HDAC9: variants seen among roughly 807,000 people sequenced by gnomAD.
The protein encoded by HDAC9 is MEF-2 interacting transcription repressor (MITR) protein.
In HDAC9, 41 loss-of-function variants were observed where a neutral mutation model predicts 139.4. The observed-to-expected ratio is 0.29, with a 90% CI of 0.23 to 0.38. The LOEUF is 0.38. Ranked by LOEUF, HDAC9 falls within the 10% of genes least tolerant of loss-of-function variation. The pLI, the probability that HDAC9 is intolerant of heterozygous loss-of-function variation, is 1.00. For synonymous variants in HDAC9, 517 were observed against 476.2 expected (o/e 1.09, Z -1.12); for missense variants, 1,147 against 1,297.0 (o/e 0.88, Z 1.78).
chr7:18,898,176 G>A (rs780960502), intron 22 of HDAC9, among the ~76,000 whole-genome samples: 1 of 151,608 alleles, frequency 6.6e-6, no homozygotes, highest in East Asian at 1.9e-4. Context: ...CATTTATTGA[G>A]TTTTTAACAT....
chr7:18,808,736 T>C (rs1318156674), intron 17 of HDAC9, among the ~76,000 whole-genome samples: 1 of 151,938 alleles, frequency 6.6e-6, no homozygotes, highest in Non-Finnish European at 1.5e-5. Context: ...ATGGATTCAA[T>C]TCAATCCTAT....
At chr7:18,237,381 T>A (rs1253712327) in intron 2 of HDAC9, among the ~76,000 whole-genome samples, 1 of 152,206 alleles carries the variant, frequency 6.6e-6, no homozygotes. Context: ...TGGAGTGACT[T>A]CAATTAAGGA....
In HDAC9 at chr7:18,406,397, T is replaced by A. The variant is rs141151085; in HGVS notation, c.-41-89865T>A. On this transcript the variant is annotated intron_variant, in intron 1 of 3. Transcript: ENST00000413509. ...TTTTTTCTTTTTCTTTCTTTTTTTT[T>A]ATTTTTTTCTTTTGAGATGGAGTCT... 5.3e-3 allele frequency among the ~76,000 whole-genome samples: 811 copies of A among 152,198 alleles called. 9 individuals are homozygous for A. Among genetic ancestry groups the A allele is most frequent in the African/African-American group, 0.018 (761 of 41,516 alleles).
rs981038339 is a variant in HDAC9, at chr7:18,839,318, T to A, written c.2684+3321T>A. Among the ~76,000 whole-genome samples, 9 of 152,142 alleles carry A rather than the reference T, an allele frequency of 5.9e-5. No homozygotes were observed. The East Asian group carries it at 7.7e-4, about 13-fold the overall frequency. On this transcript the variant is annotated intron_variant, in intron 21 of 25. Transcript: ENST00000686413. ...TGGAAGGGCAGTAATTTGAACTTAGTTTGTGACTCTACAATCTATGCTCCT... is the reference window on the plus strand; with the variant it reads ...TGGAAGGGCAGTAATTTGAACTTAGATTGTGACTCTACAATCTATGCTCCT...
chr7:18,497,434 C>T (rs1797223257), intron 2 of HDAC9, among the ~76,000 whole-genome samples: 1 of 152,110 alleles, frequency 6.6e-6, no homozygotes, highest in African/African-American at 2.4e-5. Flanking sequence ...ATGTTTAAAG[C>T]TAGTTTTCTT....
At chr7:18,554,272 G>GAA (rs538651140) in intron 2 of HDAC9, among the ~76,000 whole-genome samples, 7 of 142,200 alleles carry the variant, frequency 4.9e-5, no homozygotes, top group Admixed American at 4.9e-4. Context: ...GAAAAGACAG[G>GAA]AAAAAAAAAG....
At chr7:18,368,990 T>G (rs1784393337) in intron 1 of HDAC9, among the ~76,000 whole-genome samples, 1 of 152,138 alleles carries the variant, frequency 6.6e-6, no homozygotes, top group South Asian at 2.1e-4. Context: ...AAACCCATTT[T>G]TCAGCCTGTG....
intron 1 of HDAC9, among the ~76,000 whole-genome samples, chr7:18,389,190 G>A (rs905221040): frequency 6.6e-6 from 1 of 152,176 alleles, no homozygotes; most frequent in Admixed American, 6.5e-5. Context: ...TAATACTTAA[G>A]TGTTGAGCCT....
intron 11 of HDAC9, among the ~76,000 whole-genome samples, chr7:18,658,899 C>CAAAAAAAAAAAAAAAAAAAAAAAA (rs11306117): frequency 1.7e-5 from 2 of 118,156 alleles, no homozygotes; most frequent in African/African-American, 5.6e-5. Context: ...AAAAAAAAAG[C>CAAAAAAAAAAAAAAAAAAAAAAAA]AAAAAAAAAA....
At chr7:18,878,730 A>C (rs562044266) in intron 22 of HDAC9, among the ~76,000 whole-genome samples, 27 of 151,682 alleles carry the variant, frequency 1.8e-4, no homozygotes, top group Middle Eastern at 3.5e-3. Flanking sequence ...GGTTGGAAGC[A>C]TTCCCCTTGA....
chr7:18,700,742 CCT>C (rs1783410661), intron 12 of HDAC9, among the ~76,000 whole-genome samples: 1 of 152,192 alleles, frequency 6.6e-6, no homozygotes, highest in Non-Finnish European at 1.5e-5. Flanking sequence ...AATGCTAGGG[CCT>C]CTCTCCACAT....
At chr7:18,232,086 CAT>C in intron 2 of HDAC9, among the ~76,000 whole-genome samples, 1 of 152,280 alleles carries the variant, frequency 6.6e-6, no homozygotes, top group Middle Eastern at 3.4e-3. Context: ...TATTTAAGCA[CAT>C]ATAAAATAAG....
intron 2 of HDAC9, among the ~76,000 whole-genome samples, chr7:18,519,988 A>G (rs914253371): frequency 1.3e-5 from 2 of 152,162 alleles, no homozygotes; most frequent in Non-Finnish European, 2.9e-5. Context: ...TACATATAGC[A>G]TAGTAAGCTC....
chr7:18,329,983 A>G (rs28612084), intron 1 of HDAC9, among the ~76,000 whole-genome samples: 26 of 111,774 alleles, frequency 2.3e-4, no homozygotes, highest in Admixed American at 4.9e-4. Context: ...GCTTGTGTGT[A>G]TGTGTGTGTG....
intron 12 of HDAC9, among the ~76,000 whole-genome samples, chr7:18,707,284 C>T (rs906234254): frequency 6.6e-6 from 1 of 152,148 alleles, no homozygotes; most frequent in Non-Finnish European, 1.5e-5. Flanking sequence ...AAAGAGGTCA[C>T]TAGTCACTTT....
At chr7:18,184,241 A>G (rs1199158787) in intron 2 of HDAC9, among the ~76,000 whole-genome samples, 2 of 152,142 alleles carry the variant, frequency 1.3e-5, no homozygotes, top group African/African-American at 2.4e-5. Context: ...TCTACTAAAA[A>G]TACGAAGTTA....
intron 21 of HDAC9, among the ~76,000 whole-genome samples, chr7:18,845,747 C>A (rs1400001534): frequency 1.3e-5 from 2 of 152,162 alleles, no homozygotes; most frequent in Middle Eastern, 3.4e-3. Flanking sequence ...ACAACGACAA[C>A]AAGCAAAACC....
At chr7:18,199,058 G>A (rs1169799860) in intron 2 of HDAC9, among the ~76,000 whole-genome samples, 1 of 152,040 alleles carries the variant, frequency 6.6e-6, no homozygotes, top group Non-Finnish European at 1.5e-5. Flanking sequence ...CTACCAAAGT[G>A]CTGATTTTGC....
At chr7:18,422,442 C>T in intron 1 of HDAC9, among the ~76,000 whole-genome samples, 1 of 152,236 alleles carries the variant, frequency 6.6e-6, no homozygotes, top group South Asian at 2.1e-4. Flanking sequence ...AATTACAAAT[C>T]GATCATAAAC....
Sources: allele counts gnomAD v4.1 joint callset (sites outside exome capture counted in the v4.1 genomes callset), GRCh38; gene constraint gnomAD v4.1.1; transcripts MANE v1.5; gene names NCBI Gene and HGNC (gene_info 2026-07-23, HGNC 2026-07-21).